Variants in MFSD8 observed in about 807,000 individuals in gnomAD.
MFSD8 encodes the protein major facilitator superfamily domain containing 8.
A neutral mutation model predicts 66.4 loss-of-function variants in MFSD8; 55 were observed. That is an observed-to-expected ratio of 0.83 (90% CI 0.67 to 1.04). The LOEUF is 1.04. MFSD8 is among the 50% of genes least tolerant of loss of function. MFSD8 has a pLI of 0.00. For missense variants in MFSD8, 550 were observed against 627.6 expected (o/e 0.88, Z 1.32); for synonymous variants, 202 against 212.8 (o/e 0.95, Z 0.44).
Position 127,920,063 on chromosome 4 carries a change from A to G in MFSD8, c.*567T>C, listed in dbSNP as rs1736151290. 1 of 160,538 alleles carries G rather than the reference A, an allele frequency of 6.2e-6. No homozygotes were observed. Among genetic ancestry groups the G allele is most frequent in the African/African-American group, 2.4e-5 (1 of 41,486 alleles). The allele number at this position is 160,538 out of a possible 1,614,324, so 9.9% of individuals were successfully genotyped here. The stretch of plus-strand genomic sequence containing the variant: ...AAGGCAGAGGTGTAGTATTAGAAGA[A>G]AGACTCATAGAAGGCAAGGTAGGAT... On this transcript the variant is annotated 3_prime_UTR_variant, in exon 12 of 12. Coordinates refer to ENST00000641686, the MANE Select transcript of MFSD8 (RefSeq NM_001371596.2).
intron 9 of MFSD8, among the ~76,000 whole-genome samples, chr4:127,922,731 C>G (rs1468941479): frequency 6.6e-6 from 1 of 152,106 alleles, no homozygotes; most frequent in Non-Finnish European, 1.5e-5. Flanking sequence ...AATAATCAAG[C>G]CTTTATCCTG....
intron 9 of MFSD8, among the ~76,000 whole-genome samples, chr4:127,928,875 A>G (rs1250019598): frequency 1.3e-5 from 2 of 152,190 alleles, no homozygotes; most frequent in African/African-American, 2.4e-5. Context: ...TAAATGTGGT[A>G]TATATATATG....
At chr4:127,951,650 T>G (rs1317677976) in intron 2 of MFSD8, among the ~76,000 whole-genome samples, 2 of 152,168 alleles carry the variant, frequency 1.3e-5, no homozygotes, top group African/African-American at 2.4e-5. Flanking sequence ...TTGTTTGTAC[T>G]CTATAGAGTT....
chr4:127,930,483 A>G (rs1737941510), intron 9 of MFSD8, among the ~76,000 whole-genome samples, 200 bp downstream of exon 9: 1 of 152,204 alleles, frequency 6.6e-6, no homozygotes, highest in Admixed American at 6.5e-5. Context: ...ATAAGAGTCA[A>G]TTATATACTT....
intron 11 of MFSD8, 51 bp downstream of exon 11, chr4:127,921,473 G>T (rs764484257): frequency 1.2e-6 from 2 of 1,612,436 alleles, no homozygotes; most frequent in South Asian, 2.2e-5. Context: ...AAAATGTTGA[G>T]TGCTTACAAG....
At position 127,919,214 on chromosome 4, in the gene MFSD8, A is replaced by G. The variant is rs1203582800; in HGVS notation, c.*1416T>C. ...TATACAGTTTTAAATTTTTGTTTTT[A>G]TTTTTTGTAAAGACAGGGTCTCACT... On this transcript the variant is annotated 3_prime_UTR_variant, in exon 12 of 12. Transcript: ENST00000641686. The G allele has an allele frequency of 2.0e-5, 3 of 152,126 alleles. No individual in the cohort carries two copies. Among genetic ancestry groups the G allele is most frequent in the Admixed American group, 2.0e-4 (3 of 15,278 alleles). The allele number at this position is 152,126 out of a possible 1,614,324, so 9.4% of individuals were successfully genotyped here. A position where few individuals can be genotyped will look rare whatever the true frequency, so the allele number is the denominator to read the frequency against.
At chr4:127,945,273 T>A (rs539248900) in intron 3 of MFSD8, 3 of 152,164 alleles carry the variant, frequency 2.0e-5, no homozygotes, top group African/African-American at 7.2e-5. Context: ...AGGAAAACTA[T>A]GACCTTTTGT....
rs1740613584 is a variant in MFSD8, at chr4:127,943,896, T to C, written c.295A>G (p.Asn99Asp). ...VASPIFGLWS[N>D]YRPRKEPLIV... ...AGAGGCTCTTTTCTTGGTCTATAAT[T>C]AGACCATAAACCAAATATAGGTGAA... is the stretch of plus-strand genomic sequence containing the variant. Residue 99 changes from asparagine (N) to aspartate (D), a missense_variant, in exon 4 of 12, where the codon AAT becomes GAT. Transcript: ENST00000641686. 2 of 1,614,180 alleles carry C rather than the reference T, an allele frequency of 1.2e-6. No homozygotes were observed. The highest frequency in any genetic ancestry group is 1.1e-5 in the South Asian group (1 of 91,086).
chr4:127,934,100 G>A (rs1270823866), intron 7 of MFSD8, among the ~76,000 whole-genome samples: 4 of 152,040 alleles, frequency 2.6e-5, no homozygotes, highest in Non-Finnish European at 4.4e-5. Context: ...AGAATTAGCC[G>A]GGCGTGGTGC....
At chr4:127,927,034 C>T (rs1271076948) in intron 9 of MFSD8, among the ~76,000 whole-genome samples, 2 of 152,196 alleles carry the variant, frequency 1.3e-5, no homozygotes, top group Admixed American at 6.5e-5. Flanking sequence ...TGGCAAATTA[C>T]ATGAGATATC....
chr4:127,965,408 A>G (rs1489090887), upstream of MFSD8: 3 of 571,460 alleles, frequency 5.2e-6, no homozygotes, highest in Non-Finnish European at 6.3e-6. Flanking sequence ...GCGTGTCCAA[A>G]CTGCCGCGCC....
At chr4:127,948,232 G>C (rs1240210171) in intron 3 of MFSD8, among the ~76,000 whole-genome samples, 1 of 152,112 alleles carries the variant, frequency 6.6e-6, no homozygotes, top group Non-Finnish European at 1.5e-5. Flanking sequence ...GTGATGGTCA[G>C]GCGGTTGTTA....
chr4:127,927,886 G>GGATCTCATTATATCATAGTGAGATAA (rs1404016251), intron 9 of MFSD8, among the ~76,000 whole-genome samples: 4 of 151,668 alleles, frequency 2.6e-5, no homozygotes, highest in African/African-American at 7.3e-5. Flanking sequence ...GAAGAAATAG[G>GGATCTCATTATATCATAGTGAGATAA]GATCTCATTA....
intron 3 of MFSD8, 72 bp from the exon 4 acceptor site, chr4:127,944,064 C>T (rs1740645423): frequency 6.3e-7 from 1 of 1,588,384 alleles, no homozygotes. Context: ...ATTTGTCATA[C>T]CATGTAAGAT....
chr4:127,941,236 T>C (rs1365239831), intron 5 of MFSD8, among the ~76,000 whole-genome samples: 1 of 152,198 alleles, frequency 6.6e-6, no homozygotes, highest in African/African-American at 2.4e-5. Context: ...GATTCCCTTC[T>C]GTTGAGCCTT....
At chr4:127,956,647 C>T (rs1742934251) in intron 2 of MFSD8, among the ~76,000 whole-genome samples, 1 of 151,864 alleles carries the variant, frequency 6.6e-6, no homozygotes, top group Non-Finnish European at 1.5e-5. Flanking sequence ...GGAGACATCC[C>T]GTCTCTACTA....
Position 127,921,556 on chromosome 4 carries a change from G to C in MFSD8, c.1318C>G (p.Leu440Val), listed in dbSNP as rs879270594. The C allele has an allele frequency of 1.2e-6, 2 of 1,614,148 alleles. No individual in the cohort carries two copies. Among genetic ancestry groups the C allele is most frequent in the Non-Finnish European group, 1.7e-6 (2 of 1,180,016 alleles). The change falls in exon 11 of 12, where the codon CTA (leucine) becomes GTA (valine). Residue 440 changes from leucine to valine, a missense_variant. Leu to Val is a conservative substitution (Grantham distance 32). Coordinates refer to ENST00000641686, the MANE Select transcript of MFSD8 (RefSeq NM_001371596.2). Reference sequence around the variant, plus strand: ...TTTGGTCCTAGAATTTTTGAATATAGAGTATAGGACATAAGATTGCAGACT... The same window carrying C: ...TTTGGTCCTAGAATTTTTGAATATACAGTATAGGACATAAGATTGCAGACT... The part of the protein sequence containing the change: ...YPVCNLMSYT[L>V]YSKILGPKPQ...
chr4:127,926,793 G>A (rs1449986454), intron 9 of MFSD8, among the ~76,000 whole-genome samples: 1 of 152,180 alleles, frequency 6.6e-6, no homozygotes, highest in Non-Finnish European at 1.5e-5. Context: ...TACAGTCTCT[G>A]ACTTATGAGT....
chr4:127,945,619 C>T (rs77245383), intron 3 of MFSD8: 1 of 151,948 alleles, frequency 6.6e-6, no homozygotes, highest in Non-Finnish European at 1.5e-5. Flanking sequence ...AGCCACCGTG[C>T]CTGGTAATTC....
Sources: allele counts gnomAD v4.1 joint callset (sites outside exome capture counted in the v4.1 genomes callset), GRCh38; gene constraint gnomAD v4.1.1; transcripts MANE v1.5; gene names NCBI Gene and HGNC (gene_info 2026-07-23, HGNC 2026-07-21).